The following ECPAS variants were observed in gnomAD, a reference collection of about 807,000 sequenced individuals.
The protein encoded by ECPAS is proteasome adapter and scaffold protein ECM29.
ECPAS carries 70 observed loss-of-function variants against 255.1 expected under a neutral mutation model. That is an observed-to-expected ratio of 0.27 (90% CI 0.23 to 0.33). The LOEUF (loss-of-function observed/expected upper bound fraction) is 0.33. Ranked by LOEUF, ECPAS falls within the 10% of genes least tolerant of loss-of-function variation. The probability of loss-of-function intolerance (pLI) is 1.00; values close to 1 mark genes in which losing one functional copy is unlikely to be tolerated. For synonymous variants in ECPAS, 784 were observed against 775.0 expected, an observed-to-expected ratio of 1.01 and a Z score of -0.19; for missense variants, 1,817 against 2,206.4, an observed-to-expected ratio of 0.82 and a Z score of 3.54.
chr9:111,463,314 C>T (rs1385883362), intron 2 of ECPAS, among the ~76,000 whole-genome samples: 1 of 152,164 alleles, frequency 6.6e-6, no homozygotes, highest in African/African-American at 2.4e-5. Flanking sequence ...GTGTCCCCAG[C>T]ACTAAATTCT....
intron 35 of ECPAS, among the ~76,000 whole-genome samples, chr9:111,382,726 T>TA (rs2098142274): frequency 1.3e-5 from 2 of 152,160 alleles, no homozygotes; most frequent in Non-Finnish European, 1.5e-5. Flanking sequence ...ATGGAACAGA[T>TA]AAAGTTCCTA....
In ECPAS at chr9:111,361,348, T is replaced by C. The variant is rs2098113079; in HGVS notation, c.*682A>G. 6.6e-6 allele frequency: 1 copy of C among 152,206 alleles called. No individual in the cohort carries two copies. Among genetic ancestry groups the C allele is most frequent in the Admixed American group, 6.5e-5 (1 of 15,270 alleles). 9.4% of individuals were successfully genotyped at this position (152,206 alleles called of 1,614,324 possible). A position where few individuals can be genotyped will look rare whatever the true frequency, so the allele number is the denominator to read the frequency against. On this transcript the variant is annotated 3_prime_UTR_variant, in exon 50 of 50. Transcript: ENST00000684092. ...CTGTAAAGATGCTAAACAATCATTT[T>C]CTCCAAATCAACCACCTAAACACAT...
In ECPAS at chr9:111,369,191, A is replaced by AAAGAAAATGTAATT; in HGVS notation, c.4975-19_4975-18insAATTACATTTTCTT. The stretch of plus-strand genomic sequence containing the variant: ...AGTGAGTTCTAGGATATATCAAAGA[A>AAAGAAAATGTAATT]AAGAAAATGTAATATTTTCTTCTTC... On this transcript the variant is annotated intron_variant, in intron 45 of 49. Transcript: ENST00000684092. 1 of 1,486,410 alleles carries AAAGAAAATGTAATT rather than the reference A, an allele frequency of 6.7e-7. No individual in the cohort carries two copies. The highest frequency in any genetic ancestry group is 8.9e-7 in the Non-Finnish European group (1 of 1,124,046). The allele number at this position is 1,486,410 out of a possible 1,614,324, so 92.1% of individuals were successfully genotyped here.
chr9:111,391,316 G>A (rs1287789306), intron 29 of ECPAS, among the ~76,000 whole-genome samples: 1 of 152,118 alleles, frequency 6.6e-6, no homozygotes, highest in African/African-American at 2.4e-5. Flanking sequence ...AGTGGCTCAC[G>A]CCTGTAATCC....
At chr9:111,366,696 G>A (rs750522105) in intron 46 of ECPAS, 69 bp from the exon 47 acceptor site, 12 of 962,568 alleles carry the variant, frequency 1.2e-5, no homozygotes, top group Non-Finnish European at 2.0e-5. Context: ...GAATAAATGA[G>A]GGACAGGCAG....
At chr9:111,396,804 G>A (rs1225670004) in intron 25 of ECPAS, among the ~76,000 whole-genome samples, 1 of 152,022 alleles carries the variant, frequency 6.6e-6, no homozygotes, top group Admixed American at 6.6e-5. Context: ...CGCTCACCTC[G>A]GCCTCCCAAA....
At chr9:111,437,870 T>C (rs1019800261) in intron 6 of ECPAS, among the ~76,000 whole-genome samples, 2 of 152,210 alleles carry the variant, frequency 1.3e-5, no homozygotes, top group African/African-American at 4.8e-5. Flanking sequence ...GTTTTTGATA[T>C]AAATATTAAT....
chr9:111,415,338 C>T (rs182160970), intron 18 of ECPAS, among the ~76,000 whole-genome samples: 76 of 151,732 alleles, frequency 5.0e-4, no homozygotes, highest in African/African-American at 1.8e-3. Flanking sequence ...GTGTTTACTC[C>T]ATTGACACAA....
chr9:111,472,584 G>A (rs1427625531), intron 2 of ECPAS, among the ~76,000 whole-genome samples: 2 of 151,016 alleles, frequency 1.3e-5, no homozygotes, highest in East Asian at 1.9e-4. Context: ...AGGCTACAAT[G>A]AGCCATGACT....
intron 46 of ECPAS, among the ~76,000 whole-genome samples, chr9:111,368,827 C>G (rs2098123880): frequency 6.6e-6 from 1 of 152,214 alleles, no homozygotes; most frequent in South Asian, 2.1e-4. Flanking sequence ...GTCTGTGATA[C>G]TTTCTTACAG....
At chr9:111,484,025 G>T (rs1442389210) in intron 1 of ECPAS, 91 bp downstream of exon 1, 1 of 1,042,324 alleles carries the variant, frequency 9.6e-7, no homozygotes, top group South Asian at 4.4e-5. Context: ...GCGCGGACTC[G>T]ACACGCGGCG....
Position 111,370,585 on chromosome 9 carries a change from A to G in ECPAS, c.4824T>C (p.Asn1608=), listed in dbSNP as rs1458162710. 1 of 1,611,278 alleles carries G rather than the reference A, an allele frequency of 6.2e-7. No homozygotes were observed. The highest frequency in any genetic ancestry group is 8.5e-7 in the Non-Finnish European group (1 of 1,178,642). Residue 1608 remains asparagine, a synonymous_variant, in exon 45 of 50, where the codon AAT becomes AAC. Coordinates refer to ENST00000684092, the MANE Select transcript of ECPAS (RefSeq NM_001364929.1). ...CCTTCAGAACAGCTTGAAGAATTTC[A>G]TTTGTGCTGGGTTGATTGGGCACAG... ...EKSVPNQPST[N]EILQAVLKEC...
chr9:111,373,538 T>A, intron 39 of ECPAS, 132 bp from the exon 40 acceptor site: 1 of 679,910 alleles, frequency 1.5e-6, no homozygotes, highest in Non-Finnish European at 2.5e-6. Context: ...TTTCTGGATG[T>A]TATATTTATA....
intron 8 of ECPAS, among the ~76,000 whole-genome samples, chr9:111,430,905 A>G (rs1184544817): frequency 1.3e-5 from 2 of 152,234 alleles, no homozygotes. Flanking sequence ...AACACTGGAC[A>G]CTGTTCCTAC....
At chr9:111,463,275 C>T (rs1285735273) in intron 2 of ECPAS, among the ~76,000 whole-genome samples, 1 of 152,188 alleles carries the variant, frequency 6.6e-6, no homozygotes, top group Non-Finnish European at 1.5e-5. Flanking sequence ...TGTGGTGAAA[C>T]TTCTGTGGTG....
chr9:111,387,858 AG>A (rs2098152584), intron 31 of ECPAS, among the ~76,000 whole-genome samples: 7 of 150,680 alleles, frequency 4.6e-5, no homozygotes, highest in African/African-American at 1.7e-4. Context: ...TGAGGGACAG[AG>A]TCTCACTCAT....
chr9:111,386,291 T>C (rs2098148391), intron 32 of ECPAS, 86 bp downstream of exon 32: 2 of 895,628 alleles, frequency 2.2e-6, no homozygotes, highest in African/African-American at 3.4e-5. Flanking sequence ...AATTTATTCC[T>C]TTTGCACAAA....
intron 1 of ECPAS, 51 bp downstream of exon 1, chr9:111,484,065 C>T (rs1334294088): frequency 2.6e-6 from 3 of 1,140,166 alleles, no homozygotes; most frequent in Non-Finnish European, 3.2e-6. Flanking sequence ...CCTAACCGCG[C>T]CGCCGCGCGC....
intron 13 of ECPAS, among the ~76,000 whole-genome samples, chr9:111,422,920 AG>A (rs2131802958): frequency 6.6e-6 from 1 of 152,352 alleles, no homozygotes; most frequent in African/African-American, 2.4e-5. Flanking sequence ...GTCAATCAAA[AG>A]TCTCTAGGGT....
Sources: gnomAD v4.1 joint callset for allele counts (sites outside exome capture counted in the v4.1 genomes callset) on GRCh38, gnomAD v4.1.1 for gene constraint, MANE v1.5 for transcripts, NCBI Gene and HGNC (gene_info 2026-07-23, HGNC 2026-07-21) for gene names.